Variants in PCDH7 observed in about 807,000 individuals in gnomAD.
The protein encoded by PCDH7 is protocadherin-7.
A neutral mutation model predicts 58.9 loss-of-function variants in PCDH7; 17 were observed. That is an observed-to-expected ratio of 0.29 (90% CI 0.20 to 0.43). The LOEUF (loss-of-function observed/expected upper bound fraction) is 0.43, where lower values mean the gene tolerates loss of function less well. Ranked by LOEUF, PCDH7 falls within the 20% of genes least tolerant of loss-of-function variation. The pLI is 1.00. For synonymous variants in PCDH7, 664 were observed against 616.4 expected (o/e 1.08, Z -1.14); for missense variants, 1,274 against 1,441.0 (o/e 0.88, Z 1.88).
At chr4:31,129,685 T>C (rs999754465) in intron 3 of PCDH7, among the ~76,000 whole-genome samples, 1 of 152,126 alleles carries the variant, frequency 6.6e-6, no homozygotes, top group Non-Finnish European at 1.5e-5. Context: ...TGGATTGGAA[T>C]GTAATGGTGC....
chr4:30,723,660 A>G lies in PCDH7; in HGVS notation c.2238A>G (p.Lys746=). The G allele has an allele frequency of 6.2e-7, 1 of 1,614,106 alleles. No individual in the cohort carries two copies. The highest frequency in any genetic ancestry group is 1.1e-5 in the South Asian group (1 of 91,080). ...ATGCTCCCACAGTTACCCTTCCCAA[A>G]AACATTTCCTACACTTTACTGCCAC... The change falls in exon 1 of 2, where the codon AAA becomes AAG. Residue 746 remains lysine, a synonymous_variant. Coordinates refer to ENST00000361762, the Ensembl canonical transcript of PCDH7. The surrounding 1 kb of genome is among the most constrained non-coding windows in gnomAD (Gnocchi z 4.6).
At position 30,877,000 on chromosome 4, in the gene PCDH7, G is replaced by A. The variant is rs368034226; in HGVS notation, c.71-43153G>A. ...TGATGAATAATTTATAATATCTCCC[G>A]CACAGTCCCTGATAGGGATTAATGC... On this transcript the variant is annotated intron_variant, in intron 1 of 3. Coordinates refer to the PCDH7 transcript ENST00000509759. Among the ~76,000 whole-genome samples, 18 of 151,908 alleles carry A rather than the reference G, an allele frequency of 1.2e-4. No individual in the cohort carries two copies. In the East Asian group the frequency reaches 2.9e-3, roughly 25 times the overall value.
intron 1 of PCDH7, among the ~76,000 whole-genome samples, chr4:30,822,333 AG>A (rs1174630708): frequency 6.6e-6 from 1 of 152,176 alleles, no homozygotes; most frequent in Non-Finnish European, 1.5e-5. Context: ...ATTAGAGTGC[AG>A]GCCAGCGACC....
intron 1 of PCDH7, among the ~76,000 whole-genome samples, chr4:30,870,523 G>A (rs544812367): frequency 1.6e-4 from 25 of 152,172 alleles, no homozygotes; most frequent in African/African-American, 5.8e-4. Flanking sequence ...TTTTGTATTT[G>A]TTATCTCATC....
At chr4:30,785,832 A>C (rs1400570989) in intron 1 of PCDH7, among the ~76,000 whole-genome samples, 1 of 152,008 alleles carries the variant, frequency 6.6e-6, no homozygotes, top group African/African-American at 2.4e-5. Context: ...GGGCAGTGAA[A>C]TGTACCATGT....
chr4:30,935,575 T>C (rs967350060), intron 2 of PCDH7, among the ~76,000 whole-genome samples: 2 of 152,148 alleles, frequency 1.3e-5, no homozygotes, highest in Non-Finnish European at 2.9e-5. Flanking sequence ...TGCTAAGGAA[T>C]AATAAATGAC....
intron 1 of PCDH7, among the ~76,000 whole-genome samples, chr4:30,863,017 A>G (rs1207859760): frequency 6.6e-6 from 1 of 152,150 alleles, no homozygotes; most frequent in Non-Finnish European, 1.5e-5. Context: ...TCTCATTTTT[A>G]TGAAAGGAGT....
Position 30,918,548 on chromosome 4 carries a change from A to G in PCDH7, c.71-1605A>G, listed in dbSNP as rs188309881. ...TAATGTTTCTAGAAAGTTTATTGTC[A>G]GTAAATTTAAATCCATAACATACAT... On this transcript the variant is annotated intron_variant, in intron 1 of 3. Coordinates refer to the PCDH7 transcript ENST00000509759. 4.6e-3 allele frequency among the ~76,000 whole-genome samples: 701 copies of G among 152,262 alleles called. 8 individuals are homozygous for G. Among genetic ancestry groups the G allele is most frequent in the African/African-American group, 0.016 (674 of 41,564 alleles).
intron 1 of PCDH7, among the ~76,000 whole-genome samples, chr4:30,804,329 A>G (rs1725906474): frequency 6.6e-6 from 1 of 152,104 alleles, no homozygotes. Context: ...TCATGAGGTC[A>G]GGAGATTGAG....
chr4:31,054,906 A>AC (rs1287954017), intron 3 of PCDH7, among the ~76,000 whole-genome samples: 3 of 152,152 alleles, frequency 2.0e-5, no homozygotes, highest in African/African-American at 4.8e-5. Flanking sequence ...GAGTTTATGA[A>AC]ATCTATCAAC....
At chr4:30,821,193 C>T (rs929104806) in intron 1 of PCDH7, among the ~76,000 whole-genome samples, 10 of 152,178 alleles carry the variant, frequency 6.6e-5, no homozygotes, top group Non-Finnish European at 1.3e-4. Context: ...TCACTCTGTT[C>T]ACTCTCAGGT....
At chr4:30,977,098 T>A (rs1040495467) in intron 3 of PCDH7, among the ~76,000 whole-genome samples, 1 of 152,186 alleles carries the variant, frequency 6.6e-6, no homozygotes, top group Admixed American at 6.5e-5. Flanking sequence ...GATAAATAAG[T>A]AGGCATTTGT....
intron 1 of PCDH7, among the ~76,000 whole-genome samples, chr4:30,793,522 T>C (rs1242167758): frequency 1.3e-5 from 2 of 151,992 alleles, no homozygotes; most frequent in East Asian, 3.9e-4. Context: ...CCAACGGGTT[T>C]AGTGAAGACA....
intron 1 of PCDH7, among the ~76,000 whole-genome samples, chr4:30,835,555 G>C (rs922498922): frequency 6.6e-6 from 1 of 152,130 alleles, no homozygotes; most frequent in South Asian, 2.1e-4. Context: ...GGGGACTGCT[G>C]AGCTGAGAGA....
At chr4:30,894,516 T>TATATATATATAC (rs1400204196) in intron 1 of PCDH7, among the ~76,000 whole-genome samples, 24 of 32,196 alleles carry the variant, frequency 7.5e-4, no homozygotes, top group South Asian at 1.6e-3. Context: ...TATATATATA[T>TATATATATATAC]ACACACACAC....
Position 31,111,417 on chromosome 4 carries a change from C to G in PCDH7, c.*8-31056C>G, listed in dbSNP as rs982386969. Among the ~76,000 whole-genome samples the G allele has an allele frequency of 6.6e-4, 100 of 151,764 alleles. 2 individuals are homozygous for G. Among genetic ancestry groups the G allele is most frequent in the Middle Eastern group, 3.4e-3 (1 of 294 alleles). Reference sequence around the variant, plus strand: ...CAGCCTCCCAGGTTCAAGCGATTCTCCCTGCTTCAGCCTCCCAAGTAGCAG... The same window carrying G: ...CAGCCTCCCAGGTTCAAGCGATTCTGCCTGCTTCAGCCTCCCAAGTAGCAG... On this transcript the variant is annotated intron_variant, in intron 3 of 3. Coordinates refer to the PCDH7 transcript ENST00000509759.
chr4:31,030,617 T>G lies in PCDH7; in HGVS notation c.*7+80402T>G, dbSNP rs185256970. The stretch of plus-strand genomic sequence containing the variant: ...CAAGTAGAAAAAAAGACTGAAAGTT[T>G]TAGTGAATTTCAATTACTTATGGCT... On this transcript the variant is annotated intron_variant, in intron 3 of 3. Coordinates refer to the PCDH7 transcript ENST00000509759. Among the ~76,000 whole-genome samples, 24 of 152,298 alleles carry G rather than the reference T, an allele frequency of 1.6e-4. No individual in the cohort carries two copies. In the East Asian group the frequency reaches 4.4e-3, roughly 28 times the overall value.
chr4:31,082,696 G>A (rs1711660366), intron 3 of PCDH7, among the ~76,000 whole-genome samples: 1 of 135,938 alleles, frequency 7.4e-6, no homozygotes, highest in South Asian at 2.4e-4. Flanking sequence ...AAACCTGTAT[G>A]TTCTCACTTA....
chr4:31,117,690 G>T (rs1156238888), intron 3 of PCDH7, among the ~76,000 whole-genome samples: 1 of 152,098 alleles, frequency 6.6e-6, no homozygotes, highest in Non-Finnish European at 1.5e-5. Context: ...TAATGATGGA[G>T]ATAATTGAAA....
Sources: allele counts gnomAD v4.1 joint callset (sites outside exome capture counted in the v4.1 genomes callset), GRCh38; gene constraint gnomAD v4.1.1; non-coding constraint Gnocchi (gnomAD v3.1); transcripts MANE v1.5; gene names NCBI Gene and HGNC (gene_info 2026-07-23, HGNC 2026-07-21).